Variants in RP1 observed in about 807,000 individuals in gnomAD.
RP1 encodes oxygen-regulated protein 1.
A neutral mutation model predicts 14.8 loss-of-function variants in RP1; 16 were observed. That is an observed-to-expected ratio of 1.08 (90% CI 0.73 to 1.65). The LOEUF (loss-of-function observed/expected upper bound fraction) is 1.65, where lower values mean the gene tolerates loss of function less well. RP1 is among the 40% of genes most tolerant of loss of function. The pLI is 0.00. For synonymous variants in RP1, 876 were observed against 883.6 expected, an observed-to-expected ratio of 0.99 and a Z score of 0.15; for missense variants, 2,631 against 2,535.0, an observed-to-expected ratio of 1.04 and a Z score of -0.81.
At chr8:54,863,173 A>G (rs150316101) in intron 27 of RP1, among the ~76,000 whole-genome samples, 75 of 151,508 alleles carry the variant, frequency 5.0e-4, no homozygotes, top group Non-Finnish European at 9.0e-4. Flanking sequence ...AAAAATTCCT[A>G]TCACCTAGTA....
At chr8:54,777,325 C>T (rs1810068951) in intron 23 of RP1, among the ~76,000 whole-genome samples, 1 of 152,208 alleles carries the variant, frequency 6.6e-6, no homozygotes, top group African/African-American at 2.4e-5. Flanking sequence ...GACTCTGTCA[C>T]TCTTTACTAC....
At chr8:54,778,321 C>CTTTT (rs35643905) in intron 23 of RP1, among the ~76,000 whole-genome samples, 1 of 96,770 alleles carries the variant, frequency 1.0e-5, no homozygotes, top group African/African-American at 3.7e-5. Context: ...GCTTCTTCTT[C>CTTTT]TTTTTTTTTT....
chr8:54,682,885 C>T (rs1046774449), intron 12 of RP1, among the ~76,000 whole-genome samples: 3 of 152,198 alleles, frequency 2.0e-5, no homozygotes, highest in South Asian at 2.1e-4. Context: ...CACCTGTGTC[C>T]TGAATAGTAT....
intron 23 of RP1, among the ~76,000 whole-genome samples, chr8:54,776,317 T>A (rs1475595010): frequency 1.3e-5 from 2 of 152,164 alleles, no homozygotes; most frequent in African/African-American, 4.8e-5. Context: ...TCCTCCTACC[T>A]CGGCTTCCTG....
intron 25 of RP1, among the ~76,000 whole-genome samples, chr8:54,842,439 C>A (rs998082485): frequency 6.6e-6 from 1 of 152,196 alleles, no homozygotes; most frequent in African/African-American, 2.4e-5. Flanking sequence ...TCAGTGAAGA[C>A]CTTTCTAGGC....
chr8:54,789,456 A>G (rs1810408540), intron 24 of RP1, among the ~76,000 whole-genome samples: 1 of 152,216 alleles, frequency 6.6e-6, no homozygotes, highest in Middle Eastern at 3.4e-3. Context: ...CTGCCATGAC[A>G]TAGAACCCAG....
chr8:54,565,658 G>A (rs1181366232), intron 1 of RP1, among the ~76,000 whole-genome samples: 1 of 152,136 alleles, frequency 6.6e-6, no homozygotes, highest in South Asian at 2.1e-4. Flanking sequence ...ATGTGGTTAG[G>A]GTATGTGAGA....
At chr8:54,693,905 A>G (rs1032007024) in intron 12 of RP1, among the ~76,000 whole-genome samples, 1 of 152,122 alleles carries the variant, frequency 6.6e-6, no homozygotes, top group African/African-American at 2.4e-5. Context: ...CCAGTTTTCA[A>G]AGGGAATGCT....
chr8:54,786,064 T>A (rs1360355659), intron 24 of RP1, among the ~76,000 whole-genome samples: 1 of 152,068 alleles, frequency 6.6e-6, no homozygotes, highest in African/African-American at 2.4e-5. Context: ...TTTTACAATT[T>A]TTTCTCCCGT....
At chr8:54,813,523 A>G (rs909282844) in intron 24 of RP1, among the ~76,000 whole-genome samples, 18 of 152,224 alleles carry the variant, frequency 1.2e-4, no homozygotes, top group Admixed American at 9.2e-4. Flanking sequence ...AATGAGAAAA[A>G]CTTTTCCACT....
At position 54,758,979 on chromosome 8, in the gene RP1, C is replaced by T. The variant is rs563858321; in HGVS notation, c.3151C>T (p.Arg1051Cys). 62 of 1,535,800 alleles carry T rather than the reference C, an allele frequency of 4.0e-5. 1 individual carries two copies. In the South Asian group the frequency reaches 6.3e-4, roughly 16 times the overall value. ...TGGAAAACTGCAGAAGGTGCTGTTG[C>T]GCTGTGAGGCCAGTGACAAATCACA... Residue 1051 changes from arginine to cysteine, a missense_variant, in exon 22 of 23, where the codon CGC (arginine) becomes TGC (cysteine). Arg to Cys is a radical substitution (Grantham distance 180). Transcript: ENST00000636932.
chr8:54,743,325 C>G (rs550006944), intron 19 of RP1, among the ~76,000 whole-genome samples: 9 of 152,164 alleles, frequency 5.9e-5, no homozygotes, highest in Admixed American at 3.9e-4. Flanking sequence ...ATGTAAATAT[C>G]GTATTCACCA....
intron 22 of RP1, among the ~76,000 whole-genome samples, chr8:54,766,291 A>C (rs1036185315): frequency 6.6e-6 from 1 of 152,260 alleles, no homozygotes; most frequent in Non-Finnish European, 1.5e-5. Flanking sequence ...AATGTAAAAT[A>C]CAATTTTTAT....
chr8:54,730,140 T>C (rs759974449), intron 17 of RP1, among the ~76,000 whole-genome samples: 2 of 152,060 alleles, frequency 1.3e-5, no homozygotes, highest in Non-Finnish European at 2.9e-5. Flanking sequence ...CAGATAATCC[T>C]AATCACTTGA....
At chr8:54,815,576 T>A (rs1811118364) in intron 24 of RP1, among the ~76,000 whole-genome samples, 1 of 152,204 alleles carries the variant, frequency 6.6e-6, no homozygotes. Flanking sequence ...TTCTTCAGAA[T>A]CTAAGATGGC....
chr8:54,779,278 G>A (rs145133204), intron 23 of RP1, among the ~76,000 whole-genome samples: 2 of 152,250 alleles, frequency 1.3e-5, no homozygotes, highest in East Asian at 1.9e-4. Context: ...TAAGAGTCAT[G>A]GGAACACGTT....
At chr8:54,562,243 T>A (rs940990645) in intron 1 of RP1, among the ~76,000 whole-genome samples, 13 of 152,350 alleles carry the variant, frequency 8.5e-5, no homozygotes, top group Admixed American at 8.5e-4. Context: ...GGGAGCAACA[T>A]TTTTCATTAA....
chr8:54,604,958 T>A (rs1208013462), intron 1 of RP1, among the ~76,000 whole-genome samples: 1 of 152,216 alleles, frequency 6.6e-6, no homozygotes, highest in Non-Finnish European at 1.5e-5. Flanking sequence ...GCTAGTGGTC[T>A]ATCAATTTTG....
chr8:54,627,826 G>T lies in RP1; in HGVS notation c.3944G>T (p.Cys1315Phe). The change falls in exon 4 of 4, where the codon TGT becomes TTT. Residue 1315 changes from cysteine to phenylalanine, a missense_variant. Physicochemically the swap from Cys to Phe is radical, Grantham distance 205. Transcript: ENST00000220676. Reference protein sequence around the residue: ...LTDTVFSDKACAQKENHTYEG... With the variant: ...LTDTVFSDKAFAQKENHTYEG... ...GATACTGTGTTTTCTGATAAGGCTT[G>T]TGCTCAAAAGGAGAACCATACCTAT... 1 of 1,614,138 alleles carries T rather than the reference G, an allele frequency of 6.2e-7. No individual in the cohort carries two copies. The highest frequency in any genetic ancestry group is 8.5e-7 in the Non-Finnish European group (1 of 1,179,964).
Sources: allele counts gnomAD v4.1 joint callset (sites outside exome capture counted in the v4.1 genomes callset), GRCh38; gene constraint gnomAD v4.1.1; transcripts MANE v1.5; gene names NCBI Gene and HGNC (gene_info 2026-07-23, HGNC 2026-07-21).